Variants in SEMA4A observed in about 807,000 individuals in gnomAD.
SEMA4A encodes the protein semaphorin 4A, also known as semaphorin-4A.
Under a neutral mutation model 72.5 loss-of-function variants are expected in SEMA4A, and 52 were observed. The observed-to-expected ratio is 0.72, with a 90% CI of 0.57 to 0.90. The LOEUF is 0.90. Among genes scored for constraint, SEMA4A ranks in the 40% least tolerant of loss-of-function variants. The pLI, the probability that SEMA4A is intolerant of heterozygous loss-of-function variation, is 0.00. For missense variants in SEMA4A, 926 were observed against 959.7 expected (o/e 0.96, Z 0.46); for synonymous variants, 369 against 393.1 (o/e 0.94, Z 0.73).
intron 8 of SEMA4A, 131 bp from the exon 9 acceptor site, chr1:156,161,215 G>A: frequency 1.7e-6 from 1 of 597,048 alleles, no homozygotes; most frequent in Non-Finnish European, 2.6e-6. Context: ...CGTGGCTGAG[G>A]GGGCGGGGTG....
At chr1:156,174,078 T>C (rs1655069132) in intron 11 of SEMA4A, among the ~76,000 whole-genome samples, 1 of 151,732 alleles carries the variant, frequency 6.6e-6, no homozygotes, top group Non-Finnish European at 1.5e-5. Flanking sequence ...GCCACTGCCC[T>C]CCAGCCTGGG....
upstream of SEMA4A, among the ~76,000 whole-genome samples, chr1:156,152,941 C>T (rs553216907): frequency 1.4e-4 from 22 of 152,230 alleles, no homozygotes; most frequent in East Asian, 9.7e-4. Context: ...ATTAACCCCG[C>T]GTTATGAGGC....
At chr1:156,168,989 A>G (rs527677465) in intron 10 of SEMA4A, among the ~76,000 whole-genome samples, 37 of 152,126 alleles carry the variant, frequency 2.4e-4, no homozygotes, top group Non-Finnish European at 4.3e-4. Flanking sequence ...GTCCCCATCA[A>G]CTGGGCCTGC....
upstream of SEMA4A, among the ~76,000 whole-genome samples, chr1:156,149,432 G>A (rs1195327249): frequency 6.6e-6 from 1 of 152,166 alleles, no homozygotes; most frequent in African/African-American, 2.4e-5. Context: ...TTCTTCTCAG[G>A]CAGCTTAGGA....
In SEMA4A at chr1:156,163,105, C is replaced by A. The variant is rs1210627523; in HGVS notation, c.1134+11C>A. The A allele has an allele frequency of 2.5e-6, 4 of 1,607,716 alleles. No individual in the cohort carries two copies. Among genetic ancestry groups the A allele is most frequent in the East Asian group, 2.2e-5 (1 of 44,866 alleles). On this transcript the variant is annotated intron_variant, in intron 10 of 14. Transcript: ENST00000368285. ...CCCCGGCCAGGCAGTGTGAGTACTA[C>A]CCCCCACACTGAGCACAGTCTACAC...
At chr1:156,174,206 G>A (rs908028838) in intron 11 of SEMA4A, among the ~76,000 whole-genome samples, 1 of 152,212 alleles carries the variant, frequency 6.6e-6, no homozygotes, top group Non-Finnish European at 1.5e-5. Flanking sequence ...GGATAACCTT[G>A]AGGGTCAGTG....
intron 2 of SEMA4A, chr1:156,155,735 A>G (rs1652950761): frequency 6.0e-6 from 1 of 165,792 alleles, no homozygotes; most frequent in Non-Finnish European, 1.3e-5. Context: ...ATGAGAGAGG[A>G]TCTGAGGAGC....
chr1:156,160,665 G>C (rs1181806550), intron 7 of SEMA4A, 106 bp downstream of exon 7: 2 of 1,094,040 alleles, frequency 1.8e-6, no homozygotes, highest in Admixed American at 1.9e-5. Context: ...ACTGTTAGGC[G>C]CAGGGGGTAT....
chr1:156,160,887 T>G lies in SEMA4A; in HGVS notation c.686-18T>G, dbSNP rs760721919. On this transcript the variant is annotated intron_variant, in intron 7 of 14. Transcript: ENST00000368285. ...TGCAGGGGCTCAGTCCCTAAGCCCA[T>G]CTGCCCCTCCCCCGCAGATGACGCC... 6.2e-7 allele frequency: 1 copy of G among 1,613,416 alleles called. No individual in the cohort carries two copies. The highest frequency in any genetic ancestry group is 8.5e-7 in the Non-Finnish European group (1 of 1,179,848).
chr1:156,175,253 AGT>A lies in SEMA4A; in HGVS notation c.1592+11_1592+12del, dbSNP rs1655204512. 6.2e-7 allele frequency: 1 copy of A among 1,605,122 alleles called. No individual in the cohort carries two copies. The highest frequency in any genetic ancestry group is 1.1e-5 in the South Asian group (1 of 90,444). Reference sequence around the variant, plus strand: ...TGTCTGCCCCCAACCTGTGAGTGCCAGTCCTGGATGGTGGCCTGGATGGCCAG... The same window carrying A: ...TGTCTGCCCCCAACCTGTGAGTGCCACCTGGATGGTGGCCTGGATGGCCAG... On this transcript the variant is annotated intron_variant, in intron 13 of 14. Transcript: ENST00000368285.
At chr1:156,174,722 C>T (rs187074260) in intron 11 of SEMA4A, 100 bp from the exon 12 acceptor site, 233 of 1,464,204 alleles carry the variant, frequency 1.6e-4, no homozygotes, top group Non-Finnish European at 2.1e-4. Flanking sequence ...TACATATCAC[C>T]CTCAGAAGGA....
chr1:156,163,085 G>C lies in SEMA4A; in HGVS notation c.1125G>C (p.Arg375=), dbSNP rs778310095. 6.2e-7 allele frequency: 1 copy of C among 1,613,920 alleles called. No individual in the cohort carries two copies. The highest frequency in any genetic ancestry group is 8.5e-7 in the Non-Finnish European group (1 of 1,179,952). ...ATAGGGGCCCTGAGACCAACCCCCG[G>C]CCAGGCAGTGTGAGTACTACCCCCC... The part of the protein sequence containing the change: ...TTYRGPETNP[R]PGSCSVGPSS... The change falls in exon 10 of 15, where the codon CGG becomes CGC. Residue 375 remains arginine, a synonymous_variant. Transcript: ENST00000368285.
intron 10 of SEMA4A, among the ~76,000 whole-genome samples, chr1:156,168,409 A>G (rs1225731192): frequency 1.3e-5 from 2 of 151,232 alleles, no homozygotes; most frequent in Non-Finnish European, 2.9e-5. Context: ...TTTTTAGTAG[A>G]GATGGGGTTT....
intron 10 of SEMA4A, among the ~76,000 whole-genome samples, chr1:156,172,117 TTTA>T (rs1654854822): frequency 6.8e-6 from 1 of 146,514 alleles, no homozygotes; most frequent in Non-Finnish European, 1.5e-5. Context: ...TATTTATTTA[TTTA>T]TTTATTTATT....
intron 2 of SEMA4A, chr1:156,154,956 G>A: frequency 1.8e-6 from 1 of 569,506 alleles, no homozygotes; most frequent in Non-Finnish European, 3.1e-6. Context: ...CACGGGGCCA[G>A]GGGCACGCTT....
At chr1:156,153,104 G>A (rs925533523), upstream of SEMA4A, among the ~76,000 whole-genome samples, 8 of 152,166 alleles carry the variant, frequency 5.3e-5, no homozygotes, top group African/African-American at 1.9e-4. Flanking sequence ...ATGTCAAAGA[G>A]TGATGGAGAT....
rs1655450581 is a variant in SEMA4A at position 156,177,308 on chromosome 1, C to G, written c.*311C>G. 6.4e-6 allele frequency: 3 copies of G among 469,932 alleles called. No individual in the cohort carries two copies. The Admixed American group carries it at 1.0e-4, about 16-fold the overall frequency. The allele number at this position is 469,932 out of a possible 1,614,324, so 29.1% of individuals were successfully genotyped here. A position where few individuals can be genotyped will look rare whatever the true frequency, so the allele number is the denominator to read the frequency against. On this transcript the variant is annotated 3_prime_UTR_variant, in exon 15 of 15. Coordinates refer to ENST00000368285, the MANE Select transcript of SEMA4A (RefSeq NM_022367.4). Reference sequence around the variant, plus strand: ...AGTTCTGGCCATTCCAGGGACCCTCCAGAAACACAGTGTTTCAAGAGACCC... The same window carrying G: ...AGTTCTGGCCATTCCAGGGACCCTCGAGAAACACAGTGTTTCAAGAGACCC...
At chr1:156,163,720 CAAAAAAA>C (rs34408918) in intron 10 of SEMA4A, among the ~76,000 whole-genome samples, 2 of 17,780 alleles carry the variant, frequency 1.1e-4, no homozygotes, top group South Asian at 3.0e-3. Flanking sequence ...GACTCAGTCT[CAAAAAAA>C]AAAAAAAAAA....
upstream of SEMA4A, chr1:156,147,411 T>G (rs1652203161): frequency 7.2e-6 from 1 of 137,936 alleles, no homozygotes; most frequent in Non-Finnish European, 1.6e-5. Context: ...TGGGTTAGGG[T>G]CTCCACTTCT....
Sources: allele counts gnomAD v4.1 joint callset (sites outside exome capture counted in the v4.1 genomes callset), GRCh38; gene constraint gnomAD v4.1.1; transcripts MANE v1.5; gene names NCBI Gene and HGNC (gene_info 2026-07-23, HGNC 2026-07-21).